Variants in KCNJ6 observed in about 807,000 individuals in gnomAD.
The protein encoded by KCNJ6 is G protein-activated inward rectifier potassium channel 2.
KCNJ6 carries 9 observed loss-of-function variants against 34.2 expected under a neutral mutation model. That is an observed-to-expected ratio of 0.26 (90% CI 0.16 to 0.46). The LOEUF is 0.46. Among genes scored for constraint, KCNJ6 ranks in the 20% least tolerant of loss-of-function variants. The pLI, the probability that KCNJ6 is intolerant of heterozygous loss-of-function variation, is 1.00. For synonymous variants in KCNJ6, 196 were observed against 207.1 expected (o/e 0.95, Z 0.46); for missense variants, 236 against 531.3 (o/e 0.44, Z 5.46).
intron 1 of KCNJ6, among the ~76,000 whole-genome samples, chr21:37,862,913 C>T (rs1357438344): frequency 1.3e-5 from 2 of 152,094 alleles, no homozygotes; most frequent in Non-Finnish European, 2.9e-5. Context: ...GTAGCCACAG[C>T]TACTGGTTTT....
rs139119276 is a variant in KCNJ6, at chr21:37,789,764, G to A, written c.25+50894C>T. ...CCTCCCTGTGGTTTAGTGCGCTGTCGACCAGTGTCTCTATTACTTGCAGCA... is the reference window on the plus strand; with the variant it reads ...CCTCCCTGTGGTTTAGTGCGCTGTCAACCAGTGTCTCTATTACTTGCAGCA... On this transcript the variant is annotated intron_variant, in intron 2 of 3. Transcript: ENST00000609713. Among the ~76,000 whole-genome samples, 536 of 152,214 alleles carry A rather than the reference G, an allele frequency of 3.5e-3. 2 individuals are homozygous for A. The highest frequency in any genetic ancestry group is 5.8e-3 in the Non-Finnish European group (393 of 68,014).
intron 1 of KCNJ6, among the ~76,000 whole-genome samples, chr21:37,880,429 C>T (rs1343287532): frequency 6.6e-6 from 1 of 152,234 alleles, no homozygotes; most frequent in Non-Finnish European, 1.5e-5. Flanking sequence ...CATGCCAGGG[C>T]TATGGGCCAA....
chr21:37,705,072 C>A (rs1353416733), intron 3 of KCNJ6, among the ~76,000 whole-genome samples: 1 of 152,178 alleles, frequency 6.6e-6, no homozygotes, highest in Non-Finnish European at 1.5e-5. Flanking sequence ...ATCATTCCTG[C>A]CTGCCTCCTG....
intron 3 of KCNJ6, among the ~76,000 whole-genome samples, chr21:37,672,192 T>G (rs2054545341): frequency 6.6e-6 from 1 of 152,086 alleles, no homozygotes; most frequent in Non-Finnish European, 1.5e-5. Flanking sequence ...CCCCAGTGAT[T>G]GGGTCGGAAA....
intron 1 of KCNJ6, among the ~76,000 whole-genome samples, chr21:37,880,311 CT>C: frequency 6.6e-6 from 1 of 152,256 alleles, no homozygotes; most frequent in East Asian, 1.9e-4. Flanking sequence ...GTCACAACAG[CT>C]TTTGTCAAGC....
At chr21:37,867,662 C>A (rs2055629806) in intron 1 of KCNJ6, among the ~76,000 whole-genome samples, 1 of 152,164 alleles carries the variant, frequency 6.6e-6, no homozygotes, top group Non-Finnish European at 1.5e-5. Flanking sequence ...GCAGACCAGA[C>A]CTTACCTTGC....
chr21:37,700,638 G>T (rs2054685789), intron 3 of KCNJ6, among the ~76,000 whole-genome samples: 1 of 152,172 alleles, frequency 6.6e-6, no homozygotes, highest in Non-Finnish European at 1.5e-5. Flanking sequence ...AGGGCTTGGT[G>T]GCATGAACCA....
intron 2 of KCNJ6, among the ~76,000 whole-genome samples, chr21:37,736,463 G>A (rs1364639753): frequency 6.6e-6 from 1 of 152,190 alleles, no homozygotes; most frequent in Non-Finnish European, 1.5e-5. Context: ...TGTACTAAAT[G>A]CCTCTGAAAT....
chr21:37,833,675 C>T (rs1330949514), intron 2 of KCNJ6, among the ~76,000 whole-genome samples: 2 of 152,138 alleles, frequency 1.3e-5, no homozygotes, highest in Non-Finnish European at 2.9e-5. Context: ...AACGTGTGTG[C>T]ATATGCATGT....
At chr21:37,846,442 A>T (rs2055508526) in intron 1 of KCNJ6, among the ~76,000 whole-genome samples, 1 of 150,776 alleles carries the variant, frequency 6.6e-6, no homozygotes, top group Non-Finnish European at 1.5e-5. Flanking sequence ...AGATTGATTC[A>T]TGAATGCAGA....
At chr21:37,708,932 A>G (rs2054735407) in intron 3 of KCNJ6, among the ~76,000 whole-genome samples, 1 of 152,206 alleles carries the variant, frequency 6.6e-6, no homozygotes, top group African/African-American at 2.4e-5. Context: ...GTAGATTGGC[A>G]TTTTTGATTA....
At position 37,695,789 on chromosome 21, in the gene KCNJ6, C is replaced by T. The variant is rs1419289462; in HGVS notation, c.946+18422G>A. On this transcript the variant is annotated intron_variant, in intron 3 of 3. Transcript: ENST00000609713. The surrounding 1 kb of genome is among the most constrained non-coding windows in gnomAD (Gnocchi z 4.2). ...TGTCTTGGCTTCTAAAGACCATTCC[C>T]TAGTAAAAGGAACAAGGAATCTTTG... 6.6e-6 allele frequency among the ~76,000 whole-genome samples: 1 copy of T among 152,182 alleles called. No individual in the cohort carries two copies. The highest frequency in any genetic ancestry group is 2.4e-5 in the African/African-American group (1 of 41,412).
At chr21:37,705,837 A>G (rs2054716659) in intron 3 of KCNJ6, among the ~76,000 whole-genome samples, 1 of 152,250 alleles carries the variant, frequency 6.6e-6, no homozygotes, top group South Asian at 2.1e-4. Context: ...GCTTGGCAGT[A>G]TACAATGGCC....
rs936086157 is a variant in KCNJ6, at chr21:37,914,286, C to A, written c.-28+1598G>T. Among the ~76,000 whole-genome samples, 22 of 152,174 alleles carry A rather than the reference C, an allele frequency of 1.4e-4. 1 individual carries two copies. The highest frequency in any genetic ancestry group is 1.4e-3 in the Admixed American group (22 of 15,276). On this transcript the variant is annotated intron_variant, in intron 1 of 3. Transcript: ENST00000609713. Reference sequence around the variant, plus strand: ...TCATTTATTTATAGAAAGTGATTGACCTCCAGCGACCAAAGGAGTGGGTAC... The same window carrying A: ...TCATTTATTTATAGAAAGTGATTGAACTCCAGCGACCAAAGGAGTGGGTAC...
intron 2 of KCNJ6, among the ~76,000 whole-genome samples, chr21:37,818,729 AG>A (rs1273761067): frequency 6.6e-6 from 1 of 152,206 alleles, no homozygotes; most frequent in Non-Finnish European, 1.5e-5. Flanking sequence ...TGACTTCAGG[AG>A]AAATATTCCT....
chr21:37,670,162 AATT>A (rs1392168289), intron 3 of KCNJ6, among the ~76,000 whole-genome samples: 2 of 152,192 alleles, frequency 1.3e-5, no homozygotes, highest in African/African-American at 2.4e-5. Context: ...CATGAAAGTC[AATT>A]ATTCTAAGGT....
At chr21:37,880,711 G>A (rs2055703313) in intron 1 of KCNJ6, among the ~76,000 whole-genome samples, 1 of 152,232 alleles carries the variant, frequency 6.6e-6, no homozygotes, top group Non-Finnish European at 1.5e-5. Flanking sequence ...AATACATTTA[G>A]GAAATTTTGG....
At chr21:37,866,961 C>T (rs1405975512) in intron 1 of KCNJ6, among the ~76,000 whole-genome samples, 1 of 152,198 alleles carries the variant, frequency 6.6e-6, no homozygotes, top group African/African-American at 2.4e-5. Context: ...TTGTAGAGAA[C>T]TGATGGCAGT....
intron 1 of KCNJ6, among the ~76,000 whole-genome samples, chr21:37,888,716 C>T (rs1427197464): frequency 2.6e-5 from 4 of 152,076 alleles, no homozygotes; most frequent in Admixed American, 6.6e-5. Context: ...GGGATCACAA[C>T]GCAGAAGAGA....
Sources: gnomAD v4.1 joint callset for allele counts (sites outside exome capture counted in the v4.1 genomes callset) on GRCh38, gnomAD v4.1.1 for gene constraint, Gnocchi (gnomAD v3.1) non-coding constraint, MANE v1.5 for transcripts, NCBI Gene and HGNC (gene_info 2026-07-23, HGNC 2026-07-21) for gene names.